RNF6: variants seen among roughly 807,000 people sequenced by gnomAD.
The protein encoded by RNF6 is ring finger protein 6.
In RNF6, 21 loss-of-function variants were observed where a neutral mutation model predicts 50.1. That is an observed-to-expected ratio of 0.42 (90% confidence interval 0.30 to 0.60). RNF6 has a LOEUF of 0.60. Ranked by LOEUF, RNF6 falls within the 20% of genes least tolerant of loss-of-function variation. The probability of loss-of-function intolerance (pLI) is 0.20; values close to 1 mark genes in which losing one functional copy is unlikely to be tolerated. For synonymous variants in RNF6, 255 were observed against 291.8 expected, an observed-to-expected ratio of 0.87 and a Z score of 1.29; for missense variants, 698 against 838.2, an observed-to-expected ratio of 0.83 and a Z score of 2.07.
At chr13:26,167,919 A>G (rs1872526386) in intron 5 of RNF6, among the ~76,000 whole-genome samples, 1 of 152,220 alleles carries the variant, frequency 6.6e-6, no homozygotes, top group African/African-American at 2.4e-5. Context: ...ACTGAAGGCT[A>G]TTATCCTTAG....
chr13:26,201,465 C>T (rs1263600208), intron 5 of RNF6, among the ~76,000 whole-genome samples: 1 of 151,550 alleles, frequency 6.6e-6, no homozygotes, highest in Non-Finnish European at 1.5e-5. Flanking sequence ...GCAACAATAA[C>T]GGAGGCAGAA....
intron 5 of RNF6, among the ~76,000 whole-genome samples, chr13:26,158,774 C>G (rs1872066066): frequency 6.6e-6 from 1 of 151,998 alleles, no homozygotes; most frequent in African/African-American, 2.4e-5. Context: ...GTGGTTATTT[C>G]TATACAGTAG....
At position 26,213,138 on chromosome 13, in the gene RNF6, C is replaced by T. The variant is rs1869433889; in HGVS notation, c.*686G>A. 6.6e-6 allele frequency: 1 copy of T among 152,554 alleles called. No homozygotes were observed. The highest frequency in any genetic ancestry group is 2.4e-5 in the African/African-American group (1 of 41,432). 9.5% of individuals were successfully genotyped at this position (152,554 alleles called of 1,614,324 possible). A position where few individuals can be genotyped will look rare whatever the true frequency, so the allele number is the denominator to read the frequency against. On this transcript the variant is annotated 3_prime_UTR_variant, in exon 5 of 5. Transcript: ENST00000381588. ...CTAATAAGTTAGATTGTCAGAGACG[C>T]TTCAGTAAATTATCTCTACTTTAAA...
rs1322126612 is a variant in RNF6 at position 26,221,347 on chromosome 13, G to C, written c.-101-17C>G. ...GCTGCCCATCTGAAGCAATAAAAGA[G>C]AGTTGAATAATTCAATAAACTGTTT... On this transcript the variant is annotated splice_polypyrimidine_tract_variant and intron_variant, in intron 1 of 4. Coordinates refer to ENST00000381588, the MANE Select transcript of RNF6 (RefSeq NM_005977.4). The C allele has an allele frequency of 1.3e-5, 2 of 152,196 alleles. No individual in the cohort carries two copies. Among genetic ancestry groups the C allele is most frequent in the African/African-American group, 4.8e-5 (2 of 41,448 alleles). 9.4% of individuals were successfully genotyped at this position (152,196 alleles called of 1,614,324 possible).
At chr13:26,134,789 C>T (rs560021493) in intron 5 of RNF6, among the ~76,000 whole-genome samples, 12 of 152,158 alleles carry the variant, frequency 7.9e-5, no homozygotes, top group African/African-American at 2.6e-4. Context: ...TTAAAAAATC[C>T]GGAAGTTACC....
intron 5 of RNF6, among the ~76,000 whole-genome samples, chr13:26,161,122 A>G (rs1254194126): frequency 6.6e-6 from 1 of 152,156 alleles, no homozygotes; most frequent in Non-Finnish European, 1.5e-5. Context: ...CATTTTATTA[A>G]TTTTAAATCT....
intron 5 of RNF6, among the ~76,000 whole-genome samples, chr13:26,184,968 G>T (rs540690610): frequency 1.3e-5 from 2 of 151,348 alleles, no homozygotes; most frequent in Admixed American, 6.6e-5. Context: ...TTTAGAACTT[G>T]TAGGTATTGT....
At chr13:26,204,443 G>A (rs2137715662) in intron 5 of RNF6, among the ~76,000 whole-genome samples, 2 of 142,454 alleles carry the variant, frequency 1.4e-5, no homozygotes, top group South Asian at 4.4e-4. Context: ...ATTGCAGTGA[G>A]CCGAGATTGC....
chr13:26,142,378 AC>A (rs1871003092), intron 5 of RNF6: 1 of 151,948 alleles, frequency 6.6e-6, no homozygotes, highest in Admixed American at 6.6e-5. Flanking sequence ...TTCCATTACT[AC>A]CCCCAAAAAC....
In RNF6 at chr13:26,222,005, C is replaced by T. The variant is rs1870564369; in HGVS notation, c.-104G>A. The T allele has an allele frequency of 6.6e-6, 1 of 152,296 alleles. No individual in the cohort carries two copies. The highest frequency in any genetic ancestry group is 2.4e-5 in the African/African-American group (1 of 41,466). 9.4% of individuals were successfully genotyped at this position (152,296 alleles called of 1,614,324 possible). ...CCAGATCTTTCCCTCGAGCCCACCT[C>T]TCCAGGTCTTGGGCCTTCGCCCTCC... On this transcript the variant is annotated splice_region_variant and 5_prime_UTR_variant, in exon 1 of 5. Transcript: ENST00000381588.
Position 26,213,926 on chromosome 13 carries a change from A to G in RNF6, c.1956T>C (p.His652=). ...GNKLRQLPCM[H]EFHIHCIDRW... ...GGTCAATACAATGAATGTGAAATTC[A>G]TGCATGCAAGGTAATTGCCTGAGCT... The change falls in exon 5 of 5, where the codon CAT becomes CAC. Residue 652 remains histidine, a synonymous_variant. Transcript: ENST00000381588. The G allele has an allele frequency of 6.2e-7, 1 of 1,614,202 alleles. No homozygotes were observed. The highest frequency in any genetic ancestry group is 1.7e-5 in the Admixed American group (1 of 60,018).
chr13:26,184,177 GCCAC>G (rs199547537), intron 5 of RNF6, among the ~76,000 whole-genome samples: 9,979 of 150,956 alleles, frequency 0.066, 380 homozygotes, highest in African/African-American at 0.093. Context: ...ACAGGTGCCC[GCCAC>G]CCACCACGCC....
rs146324047 is a variant in RNF6, at chr13:26,180,808, G to A, written n.768+34666C>T. 1.5e-3 allele frequency among the ~76,000 whole-genome samples: 236 copies of A among 152,308 alleles called. 3 individuals carry two copies. Among genetic ancestry groups the A allele is most frequent in the African/African-American group, 5.0e-3 (207 of 41,564 alleles). On this transcript the variant is annotated intron_variant and non_coding_transcript_variant, in intron 5 of 5. Transcript: ENST00000468480. ...ATCTGGGTGGCAGATCCTGCAAAGC[G>A]TCCAGTCACCACCTGCTGCCACTGC...
At chr13:26,132,460 T>C (rs772267138) in intron 5 of RNF6, 6 of 458,884 alleles carry the variant, frequency 1.3e-5, no homozygotes, top group African/African-American at 1.2e-4. Context: ...GCCTACAAAA[T>C]AAAACCAAAG....
chr13:26,140,489 A>G (rs1341008153), intron 5 of RNF6, among the ~76,000 whole-genome samples: 3 of 152,216 alleles, frequency 2.0e-5, no homozygotes, highest in Non-Finnish European at 4.4e-5. Flanking sequence ...AATCAAAGGA[A>G]CATACCTCAA....
intron 5 of RNF6, among the ~76,000 whole-genome samples, chr13:26,144,516 AG>A (rs1871132098): frequency 6.6e-6 from 1 of 152,150 alleles, no homozygotes; most frequent in Admixed American, 6.6e-5. Flanking sequence ...TCCATGAGTC[AG>A]TATATAATTG....
chr13:26,135,339 A>G (rs1870594475), intron 5 of RNF6, among the ~76,000 whole-genome samples: 1 of 148,074 alleles, frequency 6.8e-6, no homozygotes, highest in Admixed American at 6.9e-5. Context: ...TATAGCAATA[A>G]TAGCAGTCAC....
chr13:26,220,227 G>C (rs1382925783), intron 2 of RNF6, among the ~76,000 whole-genome samples: 1 of 152,142 alleles, frequency 6.6e-6, no homozygotes, highest in Non-Finnish European at 1.5e-5. Context: ...CTGGAAGGTG[G>C]TCTCTTATTA....
At chr13:26,137,444 CAAGT>C (rs1870706895) in intron 5 of RNF6, among the ~76,000 whole-genome samples, 1 of 151,682 alleles carries the variant, frequency 6.6e-6, no homozygotes, top group Non-Finnish European at 1.5e-5. Flanking sequence ...TGAAAAGATA[CAAGT>C]AAGTATCTTG....
Sources: gnomAD v4.1 joint callset for allele counts (sites outside exome capture counted in the v4.1 genomes callset) on GRCh38, gnomAD v4.1.1 for gene constraint, MANE v1.5 for transcripts, NCBI Gene and HGNC (gene_info 2026-07-23, HGNC 2026-07-21) for gene names.